The following GUCY2C variants were observed in gnomAD, a reference collection of about 807,000 sequenced individuals.
GUCY2C encodes the protein guanylyl cyclase C.
GUCY2C carries 118 observed loss-of-function variants against 131.1 expected under a neutral mutation model. That is an observed-to-expected ratio of 0.90 (90% CI 0.78 to 1.05). The LOEUF is 1.05. Among genes scored for constraint, GUCY2C ranks in the 50% least tolerant of loss-of-function variants. The pLI is 0.00. For missense variants in GUCY2C, 1,161 were observed against 1,304.4 expected, an observed-to-expected ratio of 0.89 and a Z score of 1.69; for synonymous variants, 452 against 457.8, an observed-to-expected ratio of 0.99 and a Z score of 0.16.
At chr12:14,656,105 G>A (rs1351493340) in intron 12 of GUCY2C, among the ~76,000 whole-genome samples, 1 of 152,198 alleles carries the variant, frequency 6.6e-6, no homozygotes, top group Non-Finnish European at 1.5e-5. Flanking sequence ...GTAAATGTGA[G>A]CAAATATAAG....
intron 2 of GUCY2C, 98 bp downstream of exon 2, chr12:14,687,853 G>T: frequency 2.8e-6 from 2 of 719,722 alleles, no homozygotes. Context: ...GGCTAGAGAT[G>T]ATGGGAGAGC....
chr12:14,688,423 C>T (rs1948515353), intron 1 of GUCY2C, among the ~76,000 whole-genome samples: 1 of 152,182 alleles, frequency 6.6e-6, no homozygotes, highest in Admixed American at 6.5e-5. Context: ...TCACTGACCT[C>T]TTCATCTTTT....
intron 11 of GUCY2C, among the ~76,000 whole-genome samples, chr12:14,658,433 T>C (rs1158141442): frequency 6.6e-6 from 1 of 152,214 alleles, no homozygotes; most frequent in Non-Finnish European, 1.5e-5. Flanking sequence ...TCCCAGTACA[T>C]TGGGAGGCCA....
At chr12:14,621,564 A>G (rs537025407) in intron 22 of GUCY2C, among the ~76,000 whole-genome samples, 6 of 152,340 alleles carry the variant, frequency 3.9e-5, no homozygotes, top group Middle Eastern at 3.4e-3. Flanking sequence ...CCTGAAAATT[A>G]ATCCTTTAGC....
intron 12 of GUCY2C, 57 bp from the exon 13 acceptor site, chr12:14,653,071 C>A: frequency 7.9e-7 from 1 of 1,263,010 alleles, no homozygotes. Flanking sequence ...CTACTCACTG[C>A]CTGTCAAAGG....
At chr12:14,672,841 C>T in intron 9 of GUCY2C, 32 bp downstream of exon 9, 2 of 1,254,036 alleles carry the variant, frequency 1.6e-6, no homozygotes, top group Non-Finnish European at 2.3e-6. Context: ...AGTCACAGCA[C>T]CCTGAATTTT....
chr12:14,685,578 A>G lies in GUCY2C; in HGVS notation c.395+583T>C, dbSNP rs11056098. Among the ~76,000 whole-genome samples the G allele has an allele frequency of 9.9e-4, 151 of 152,346 alleles. 2 individuals carry two copies. The East Asian group carries it at 0.015, about 15-fold the overall frequency. ...TTTTGGTGATAATTACATTGTGTAA[A>G]ATGAATGGAAGAGATGAGGGTGATT... On this transcript the variant is annotated intron_variant, in intron 3 of 26. Transcript: ENST00000261170.
intron 6 of GUCY2C, among the ~76,000 whole-genome samples, chr12:14,678,490 A>G (rs1029030617): frequency 1.4e-4 from 21 of 152,210 alleles, no homozygotes; most frequent in African/African-American, 4.8e-4. Context: ...ATTGAAATCA[A>G]TGAGGTTCTT....
At chr12:14,623,382 G>A (rs1199362254) in intron 21 of GUCY2C, among the ~76,000 whole-genome samples, 6 of 152,162 alleles carry the variant, frequency 3.9e-5, no homozygotes, top group Non-Finnish European at 5.9e-5. Context: ...CAGAGTATCC[G>A]GAGAAACCTT....
intron 15 of GUCY2C, among the ~76,000 whole-genome samples, chr12:14,648,273 A>T (rs199653105): frequency 0.13 from 353 of 2,638 alleles, no homozygotes; most frequent in Admixed American, 0.15. Context: ...TCTTTAAATT[A>T]AAAAAAAAAA....
intron 19 of GUCY2C, among the ~76,000 whole-genome samples, 183 bp from the exon 20 acceptor site, chr12:14,628,920 CTT>C (rs1947082800): frequency 6.6e-6 from 1 of 152,214 alleles, no homozygotes; most frequent in African/African-American, 2.4e-5. Flanking sequence ...CCTGCATTAT[CTT>C]ATCCAGTTAT....
rs534733630 is a variant in GUCY2C at position 14,688,984 on chromosome 12, T to C, written c.218-921A>G. Among the ~76,000 whole-genome samples the C allele has an allele frequency of 3.9e-5, 6 of 152,316 alleles. No homozygotes were observed. The South Asian group carries it at 1.0e-3, about 26-fold the overall frequency. ...TGTGGACGTTAGTAAGTGCTTTCAA[T>C]TTATTCCAGGATAAGATGTTTTGGA... On this transcript the variant is annotated intron_variant, in intron 1 of 26. Transcript: ENST00000261170.
In GUCY2C at chr12:14,632,570, C is replaced by T. The variant is rs554796242; in HGVS notation, c.2158-3833G>A. Among the ~76,000 whole-genome samples the T allele has an allele frequency of 1.2e-4, 19 of 152,276 alleles. No individual in the cohort carries two copies. In the East Asian group the frequency reaches 3.5e-3, roughly 28 times the overall value. Reference sequence around the variant, plus strand: ...ATGAGTGGAAGTACATTTCTCTATTCTTTTTAGATGTTGGCATATTTCCTT... The same window carrying T: ...ATGAGTGGAAGTACATTTCTCTATTTTTTTTAGATGTTGGCATATTTCCTT... On this transcript the variant is annotated intron_variant, in intron 19 of 26. Coordinates refer to ENST00000261170, the MANE Select transcript of GUCY2C (RefSeq NM_004963.4).
chr12:14,647,143 C>T (rs191209168), intron 15 of GUCY2C, among the ~76,000 whole-genome samples: 336 of 152,122 alleles, frequency 2.2e-3, no homozygotes, highest in Non-Finnish European at 3.1e-3. Flanking sequence ...TTAAAATTAC[C>T]CTTCTTTAGT....
chr12:14,682,991 A>T, intron 4 of GUCY2C, 51 bp downstream of exon 4: 1 of 1,282,554 alleles, frequency 7.8e-7, no homozygotes, highest in Non-Finnish European at 1.1e-6. Flanking sequence ...GCATGATCCT[A>T]TGGCTTCTCT....
intron 20 of GUCY2C, among the ~76,000 whole-genome samples, chr12:14,628,334 A>G (rs538678641): frequency 5.9e-5 from 9 of 152,186 alleles, no homozygotes; most frequent in Non-Finnish European, 1.2e-4. Flanking sequence ...CTCACGCTAC[A>G]CTTCTAAATC....
At chr12:14,620,468 A>G (rs1946871319) in intron 23 of GUCY2C, among the ~76,000 whole-genome samples, 1 of 152,188 alleles carries the variant, frequency 6.6e-6, no homozygotes, top group African/African-American at 2.4e-5. Context: ...TGATTTGAAA[A>G]TTATTCTTTG....
chr12:14,679,329 G>A (rs7303423), intron 6 of GUCY2C, among the ~76,000 whole-genome samples: 150,530 of 152,298 alleles, frequency 0.99, 74,406 homozygotes, highest in Middle Eastern at 1. Flanking sequence ...GTCTCCCAAA[G>A]TGCTGGGATT....
At chr12:14,657,573 G>A (rs1167187785) in intron 11 of GUCY2C, among the ~76,000 whole-genome samples, 1 of 152,124 alleles carries the variant, frequency 6.6e-6, no homozygotes, top group Admixed American at 6.5e-5. Context: ...GGAGGTGAGA[G>A]GTCAGTATTA....
Sources: allele counts gnomAD v4.1 joint callset (sites outside exome capture counted in the v4.1 genomes callset), GRCh38; gene constraint gnomAD v4.1.1; transcripts MANE v1.5; gene names NCBI Gene and HGNC (gene_info 2026-07-23, HGNC 2026-07-21).